Variants in RNGTT observed in about 807,000 individuals in gnomAD.
The protein encoded by RNGTT is RNA guanylyltransferase and 5'-phosphatase.
Under a neutral mutation model 79.3 loss-of-function variants are expected in RNGTT, and 33 were observed. The observed-to-expected ratio is 0.42, with a 90% CI of 0.32 to 0.56. RNGTT has a LOEUF of 0.56. RNGTT is among the 20% of genes least tolerant of loss of function. The pLI is 0.17. For missense variants in RNGTT, 497 were observed against 739.1 expected (o/e 0.67, Z 3.80); for synonymous variants, 222 against 235.9 (o/e 0.94, Z 0.54).
intron 13 of RNGTT, among the ~76,000 whole-genome samples, chr6:88,742,147 C>T (rs1343371822): frequency 6.6e-6 from 1 of 152,040 alleles, no homozygotes; most frequent in Non-Finnish European, 1.5e-5. Context: ...CTGATTCAGA[C>T]AAATAGGACA....
At chr6:88,793,302 T>C (rs1748646093) in intron 12 of RNGTT, among the ~76,000 whole-genome samples, 2 of 152,222 alleles carry the variant, frequency 1.3e-5, no homozygotes, top group South Asian at 2.1e-4. Flanking sequence ...TTATAACTAG[T>C]ATAGTACAGT....
At chr6:88,881,983 T>G (rs1190297746) in intron 8 of RNGTT, among the ~76,000 whole-genome samples, 2 of 152,184 alleles carry the variant, frequency 1.3e-5, no homozygotes, top group East Asian at 3.8e-4. Flanking sequence ...TTAGCTTGAA[T>G]GACAGATATT....
intron 13 of RNGTT, among the ~76,000 whole-genome samples, chr6:88,711,942 C>T (rs990777472): frequency 7.2e-5 from 11 of 152,058 alleles, no homozygotes; most frequent in Admixed American, 2.0e-4. Flanking sequence ...GAAATTAAGA[C>T]TACTGGGAAA....
At chr6:88,620,721 T>C (rs1165222079) in intron 14 of RNGTT, among the ~76,000 whole-genome samples, 1 of 152,202 alleles carries the variant, frequency 6.6e-6, no homozygotes, top group African/African-American at 2.4e-5. Flanking sequence ...CCCAGAGAGC[T>C]ACAGCAAATT....
intron 13 of RNGTT, among the ~76,000 whole-genome samples, chr6:88,704,987 A>C (rs890468239): frequency 2.0e-5 from 3 of 152,176 alleles, no homozygotes; most frequent in Non-Finnish European, 4.4e-5. Flanking sequence ...CCTAAAAAAA[A>C]AAACTGGTAA....
At chr6:88,716,948 C>T (rs945637957) in intron 13 of RNGTT, among the ~76,000 whole-genome samples, 1 of 152,032 alleles carries the variant, frequency 6.6e-6, no homozygotes, top group African/African-American at 2.4e-5. Flanking sequence ...GCACATGTAC[C>T]CTAAAACTTA....
At chr6:88,718,981 C>T (rs924127917) in intron 13 of RNGTT, among the ~76,000 whole-genome samples, 4 of 152,122 alleles carry the variant, frequency 2.6e-5, no homozygotes, top group African/African-American at 9.7e-5. Context: ...AGCAATGATA[C>T]ATATTTAGAG....
intron 11 of RNGTT, among the ~76,000 whole-genome samples, chr6:88,829,554 T>A (rs1336049375): frequency 6.6e-6 from 1 of 152,020 alleles, no homozygotes; most frequent in South Asian, 2.1e-4. Context: ...ATGGGCTAAA[T>A]GCCCCAAATA....
chr6:88,881,609 A>G (rs564961480), intron 8 of RNGTT, among the ~76,000 whole-genome samples: 6 of 152,286 alleles, frequency 3.9e-5, no homozygotes, highest in East Asian at 3.9e-4. Context: ...TTGAATTTCA[A>G]TGTGAGACAG....
chr6:88,637,550 C>T (rs1009579983), intron 14 of RNGTT, among the ~76,000 whole-genome samples: 2 of 152,098 alleles, frequency 1.3e-5, no homozygotes, highest in Non-Finnish European at 2.9e-5. Context: ...ATGCAACCTA[C>T]GCTTTCTGGA....
intron 13 of RNGTT, among the ~76,000 whole-genome samples, chr6:88,716,087 C>A (rs1776500985): frequency 6.6e-6 from 1 of 151,636 alleles, no homozygotes; most frequent in Non-Finnish European, 1.5e-5. Context: ...GGCTAATATC[C>A]AGAATCTACA....
intron 1 of RNGTT, among the ~76,000 whole-genome samples, chr6:88,946,415 CAAT>C (rs1266195856): frequency 3.9e-5 from 6 of 152,110 alleles, no homozygotes; most frequent in African/African-American, 1.4e-4. Flanking sequence ...TCCTGAGACA[CAAT>C]AATATTGAAA....
At chr6:88,875,672 T>C (rs557333566) in intron 8 of RNGTT, among the ~76,000 whole-genome samples, 1 of 152,260 alleles carries the variant, frequency 6.6e-6, no homozygotes, top group African/African-American at 2.4e-5. Flanking sequence ...TTAAATGAGA[T>C]AAATGTTCTA....
chr6:88,898,535 T>C (rs1169566245), intron 6 of RNGTT, among the ~76,000 whole-genome samples: 1 of 151,912 alleles, frequency 6.6e-6, no homozygotes. Context: ...TCTCTTGTCT[T>C]CTAAAGAAAG....
intron 13 of RNGTT, among the ~76,000 whole-genome samples, chr6:88,757,771 T>C (rs1562236878): frequency 1.3e-5 from 2 of 152,150 alleles, no homozygotes; most frequent in East Asian, 3.8e-4. Flanking sequence ...CAAAGACATA[T>C]TTTGAAGTCA....
chr6:88,812,527 T>A (rs902520251), intron 11 of RNGTT, among the ~76,000 whole-genome samples: 8 of 152,244 alleles, frequency 5.3e-5, no homozygotes, highest in African/African-American at 1.7e-4. Context: ...ACAACCACTG[T>A]GTTAAGTGTT....
intron 8 of RNGTT, among the ~76,000 whole-genome samples, chr6:88,874,657 T>TAA (rs912155799): frequency 6.9e-6 from 1 of 144,810 alleles, no homozygotes; most frequent in East Asian, 2.0e-4. Context: ...CACAGAATCG[T>TAA]AAAAAAAAAA....
At chr6:88,755,188 A>G (rs1186485658) in intron 13 of RNGTT, among the ~76,000 whole-genome samples, 1 of 152,202 alleles carries the variant, frequency 6.6e-6, no homozygotes, top group East Asian at 1.9e-4. Context: ...GTTAGCAGTT[A>G]GGCAAAAAAT....
At chr6:88,863,122 T>C (rs1334752617) in intron 8 of RNGTT, among the ~76,000 whole-genome samples, 1 of 152,220 alleles carries the variant, frequency 6.6e-6, no homozygotes, top group Non-Finnish European at 1.5e-5. Context: ...GCAGACAACA[T>C]GTATTATTTA....
Sources: allele counts gnomAD v4.1 joint callset (sites outside exome capture counted in the v4.1 genomes callset), GRCh38; gene constraint gnomAD v4.1.1; transcripts MANE v1.5; gene names NCBI Gene and HGNC (gene_info 2026-07-23, HGNC 2026-07-21).